The following PCLO variants were observed in gnomAD, a reference collection of about 807,000 sequenced individuals.
PCLO encodes the protein piccolo presynaptic cytomatrix protein.
PCLO carries 82 observed loss-of-function variants against 427.5 expected under a neutral mutation model. The observed-to-expected ratio is 0.19, with a 90% confidence interval of 0.16 to 0.23. The LOEUF (loss-of-function observed/expected upper bound fraction) is 0.23, where lower values mean the gene tolerates loss of function less well. Among genes scored for constraint, PCLO ranks in the 10% least tolerant of loss-of-function variants. The pLI is 1.00. For missense variants in PCLO, 6,239 were observed against 6,115.9 expected (o/e 1.02, Z -0.67); for synonymous variants, 2,357 against 2,155.4 (o/e 1.09, Z -2.59).
intron 3 of PCLO, among the ~76,000 whole-genome samples, chr7:83,038,963 T>C (rs745980098): frequency 1.4e-4 from 22 of 152,188 alleles, no homozygotes; most frequent in Admixed American, 9.8e-4. Flanking sequence ...TGGTTTTGAT[T>C]TGTATTTCCC....
At chr7:83,057,279 C>T (rs1314926839) in intron 3 of PCLO, among the ~76,000 whole-genome samples, 1 of 119,854 alleles carries the variant, frequency 8.3e-6, no homozygotes, top group African/African-American at 3.1e-5. Flanking sequence ...CTCTTGACCT[C>T]AAATGATCCA....
At chr7:83,081,847 G>T (rs1367901164) in intron 3 of PCLO, among the ~76,000 whole-genome samples, 2 of 151,582 alleles carry the variant, frequency 1.3e-5, no homozygotes, top group Admixed American at 6.6e-5. Context: ...TTAAGAAAAA[G>T]AAGTTATTTT....
chr7:83,107,986 TAAAAAAAAAAA>T (rs58192300), intron 3 of PCLO, among the ~76,000 whole-genome samples: 1 of 95,400 alleles, frequency 1.0e-5, no homozygotes, highest in Non-Finnish European at 2.2e-5. Context: ...AGACTCCGTC[TAAAAAAAAAAA>T]AAAAAAAAAA....
chr7:82,955,831 G>A lies in PCLO; in HGVS notation c.5122C>T (p.Pro1708Ser). Residue 1708 changes from proline to serine, a missense_variant, in exon 5 of 25, where the codon CCT (proline) becomes TCT (serine). Coordinates refer to ENST00000333891, the MANE Select transcript of PCLO (RefSeq NM_033026.6). ...CCCTCTCCCCTTGACCTATCTTCAG[G>A]TGAGTCTGTCAGGCTTTCCATTTCC... ...ELEMESLTDS[P>S]EDRSRGEGSS... 1.2e-6 allele frequency: 2 copies of A among 1,613,870 alleles called. No homozygotes were observed. Among genetic ancestry groups the A allele is most frequent in the Non-Finnish European group, 1.7e-6 (2 of 1,179,858 alleles).
intron 4 of PCLO, among the ~76,000 whole-genome samples, chr7:82,964,452 G>A (rs1795720086): frequency 6.6e-6 from 1 of 152,068 alleles, no homozygotes; most frequent in Non-Finnish European, 1.5e-5. Flanking sequence ...AGGGACAAGA[G>A]GTACATAAGT....
At chr7:82,875,910 C>A (rs540766783) in intron 10 of PCLO, among the ~76,000 whole-genome samples, 2 of 152,034 alleles carry the variant, frequency 1.3e-5, no homozygotes, top group Non-Finnish European at 2.9e-5. Flanking sequence ...CTTTTCCAAA[C>A]AACAGCTTTG....
At chr7:83,065,271 T>C (rs1025354991) in intron 3 of PCLO, among the ~76,000 whole-genome samples, 1 of 151,978 alleles carries the variant, frequency 6.6e-6, no homozygotes, top group Non-Finnish European at 1.5e-5. Context: ...TATAAGGCTT[T>C]TTCTACATAA....
At chr7:82,784,774 T>C (rs1322092628) in intron 22 of PCLO, among the ~76,000 whole-genome samples, 1 of 152,214 alleles carries the variant, frequency 6.6e-6, no homozygotes, top group Non-Finnish European at 1.5e-5. Flanking sequence ...TAAAATAATA[T>C]CATGCTGTGA....
chr7:82,980,176 T>C (rs531751949), intron 3 of PCLO, among the ~76,000 whole-genome samples: 1 of 148,686 alleles, frequency 6.7e-6, no homozygotes, highest in African/African-American at 2.6e-5. Flanking sequence ...ACCTGCTCAG[T>C]GTTTCCTGAA....
chr7:82,828,036 A>G, intron 16 of PCLO, 70 bp from the exon 17 acceptor site: 2 of 790,238 alleles, frequency 2.5e-6, no homozygotes, highest in Non-Finnish European at 4.4e-6. Context: ...GTTAAACTAA[A>G]GGACATGCAG....
chr7:83,042,882 A>G lies in PCLO; in HGVS notation c.3301-76395T>C, dbSNP rs959532036. ...CTCAAAACAAACAAACAAACAAACAACAACAGCAAAGATGATGACAACAGG... is the reference window on the plus strand; with the variant it reads ...CTCAAAACAAACAAACAAACAAACAGCAACAGCAAAGATGATGACAACAGG... On this transcript the variant is annotated intron_variant, in intron 3 of 24. Coordinates refer to ENST00000333891, the MANE Select transcript of PCLO (RefSeq NM_033026.6). 3.3e-5 allele frequency among the ~76,000 whole-genome samples: 5 copies of G among 151,998 alleles called. No homozygotes were observed. In the Admixed American group the frequency reaches 3.3e-4, roughly 10 times the overall value.
rs1787634370 is a variant in PCLO, at chr7:82,997,021, T to G, written c.3301-30534A>C. On this transcript the variant is annotated intron_variant, in intron 3 of 24. Coordinates refer to ENST00000333891, the MANE Select transcript of PCLO (RefSeq NM_033026.6). ...TGCCATTTATGTCCAAGGTAGAACC[T>G]AGAATTAATTTTAAATCAAAGGATT... is the stretch of plus-strand genomic sequence containing the variant. Among the ~76,000 whole-genome samples, 3 of 151,998 alleles carry G rather than the reference T, an allele frequency of 2.0e-5. No homozygotes were observed. In the Admixed American group the frequency reaches 2.0e-4, roughly 10 times the overall value.
rs1790315805 is a variant in PCLO at position 82,756,274 on chromosome 7, T to A, written c.*2301A>T. The A allele has an allele frequency of 6.6e-6, 1 of 152,034 alleles. No individual in the cohort carries two copies. Among genetic ancestry groups the A allele is most frequent in the African/African-American group, 2.4e-5 (1 of 41,400 alleles). 9.4% of individuals were successfully genotyped at this position (152,034 alleles called of 1,614,324 possible). On this transcript the variant is annotated 3_prime_UTR_variant, in exon 25 of 25. Transcript: ENST00000333891. ...CTCCTTGGACCTTTTCTTCCCCAATTATGAGTGATGATTATAGGCTTCTTC... is the reference window on the plus strand; with the variant it reads ...CTCCTTGGACCTTTTCTTCCCCAATAATGAGTGATGATTATAGGCTTCTTC...
Position 83,038,025 on chromosome 7 carries a change from A to ATATATTTATATT in PCLO, c.3301-71539_3301-71538insAATATAAATATA, listed in dbSNP as rs1402012512. On this transcript the variant is annotated intron_variant, in intron 3 of 24. Transcript: ENST00000333891. ...TATATATATATATATATATATATAT[A>ATATATTTATATT]TATATTTATATATTTATATATATAT... is the stretch of plus-strand genomic sequence containing the variant. 3.9e-4 allele frequency among the ~76,000 whole-genome samples: 19 copies of ATATATTTATATT among 49,098 alleles called. 3 individuals are homozygous for ATATATTTATATT. The highest frequency in any genetic ancestry group is 5.1e-4 in the Non-Finnish European group (16 of 31,442). 32.2% of individuals were successfully genotyped at this position (49,098 alleles called of 152,430 possible).
intron 16 of PCLO, 103 bp downstream of exon 16, chr7:82,835,564 G>A (rs899909945): frequency 1.3e-6 from 1 of 790,702 alleles, no homozygotes; most frequent in South Asian, 1.6e-5. Flanking sequence ...AAAAATATAA[G>A]TTACAGCCCA....
chr7:83,084,731 G>C (rs1790187185), intron 3 of PCLO, among the ~76,000 whole-genome samples: 1 of 152,070 alleles, frequency 6.6e-6, no homozygotes, highest in Admixed American at 6.6e-5. Flanking sequence ...AAAAAACAAA[G>C]AAATTTTAAG....
In PCLO at chr7:82,760,775, A is replaced by G. The variant is rs752136592; in HGVS notation, c.15152T>C (p.Val5051Ala). The G allele has an allele frequency of 6.9e-7, 1 of 1,447,472 alleles. No homozygotes were observed. The highest frequency in any genetic ancestry group is 2.3e-5 in the East Asian group (1 of 43,298). The allele number at this position is 1,447,472 out of a possible 1,614,324, so 89.7% of individuals were successfully genotyped here. A position where few individuals can be genotyped will look rare whatever the true frequency, so the allele number is the denominator to read the frequency against. ...KSPDHLPDLY[V>A]KIYVMNISTQ... ...AGAAATATTCATCACATATATTTTC[A>G]CATATAAATCTGAAAATAAGAATTC... The change falls in exon 24 of 25, where the codon GTG (valine) becomes GCG (alanine). Residue 5051 changes from valine to alanine, a missense_variant. This residue lies in a region of PCLO where 877 missense variants were observed against 925.5 expected (regional missense o/e 0.95). Transcript: ENST00000333891.
rs1790437457 is a variant in PCLO at position 82,761,779 on chromosome 7, A to C, written c.15008-286T>G. 3.9e-5 allele frequency among the ~76,000 whole-genome samples: 6 copies of C among 152,080 alleles called. No individual in the cohort carries two copies. In the South Asian group the frequency reaches 1.2e-3, roughly 31 times the overall value. Reference sequence around the variant, plus strand: ...CCCTTAAGCCTGTAAAGAGTGAAGAATCTTATGGGTAGACTGATAAATACA... The same window carrying C: ...CCCTTAAGCCTGTAAAGAGTGAAGACTCTTATGGGTAGACTGATAAATACA... On this transcript the variant is annotated intron_variant, in intron 22 of 24. Transcript: ENST00000333891.
intron 3 of PCLO, among the ~76,000 whole-genome samples, chr7:82,977,516 G>A (rs1185456851): frequency 3.3e-5 from 5 of 151,562 alleles, no homozygotes; most frequent in Non-Finnish European, 4.4e-5. Context: ...AGGTTCAAGC[G>A]ATTCTCCTGC....
Sources: gnomAD v4.1 joint callset for allele counts (sites outside exome capture counted in the v4.1 genomes callset) on GRCh38, gnomAD v4.1.1 for gene constraint, gnomAD v4.1.1 regional missense constraint, MANE v1.5 for transcripts, NCBI Gene and HGNC (gene_info 2026-07-23, HGNC 2026-07-21) for gene names.